Variants in SLC35F3 observed in about 807,000 individuals in gnomAD.
SLC35F3 encodes the protein solute carrier family 35 member F3, also known as putative thiamine transporter SLC35F3.
A neutral mutation model predicts 49.9 loss-of-function variants in SLC35F3; 25 were observed. The ratio of observed to expected loss-of-function variants is 0.50; its 90% CI spans 0.37 to 0.70. The LOEUF is 0.70. Ranked by LOEUF, SLC35F3 falls within the 30% of genes least tolerant of loss-of-function variation. SLC35F3 has a pLI of 0.00. For missense variants in SLC35F3, 525 were observed against 639.8 expected, an observed-to-expected ratio of 0.82 and a Z score of 1.94; for synonymous variants, 275 against 265.4, an observed-to-expected ratio of 1.04 and a Z score of -0.35.
intron 2 of SLC35F3, among the ~76,000 whole-genome samples, chr1:234,024,650 C>T (rs1312952029): frequency 6.6e-6 from 1 of 152,084 alleles, no homozygotes; most frequent in Non-Finnish European, 1.5e-5. Context: ...TCCTCTGCCT[C>T]TTCTTATAAA....
At chr1:234,150,642 A>G (rs1276021776) in intron 2 of SLC35F3, among the ~76,000 whole-genome samples, 2 of 152,204 alleles carry the variant, frequency 1.3e-5, no homozygotes, top group Non-Finnish European at 2.9e-5. Flanking sequence ...AAGGTCAGAC[A>G]GGTATGGAGA....
intron 2 of SLC35F3, among the ~76,000 whole-genome samples, chr1:234,022,797 C>T (rs1463498): frequency 0.052 from 7,927 of 152,178 alleles, 660 homozygotes; most frequent in African/African-American, 0.18. Flanking sequence ...AGCCTTGCCA[C>T]GTTGGCTATT....
intron 3 of SLC35F3, among the ~76,000 whole-genome samples, chr1:234,265,343 T>C (rs894464711): frequency 2.3e-4 from 25 of 108,670 alleles, no homozygotes; most frequent in African/African-American, 9.0e-4. Flanking sequence ...TCTTTTTCTT[T>C]TTGTTTTTTT....
intron 3 of SLC35F3, among the ~76,000 whole-genome samples, chr1:234,254,226 TGG>T (rs386640489): frequency 4.4e-4 from 67 of 152,350 alleles, no homozygotes; most frequent in African/African-American, 1.5e-3. Flanking sequence ...CCCTATGCAC[TGG>T]CTTTCTATAT....
At chr1:234,211,507 C>A (rs1345121719) in intron 2 of SLC35F3, among the ~76,000 whole-genome samples, 2 of 152,218 alleles carry the variant, frequency 1.3e-5, no homozygotes, top group Non-Finnish European at 2.9e-5. Flanking sequence ...GAACCCCCCC[C>A]TTACATTGGT....
At chr1:234,280,827 G>C (rs552243390) in intron 3 of SLC35F3, among the ~76,000 whole-genome samples, 1 of 152,168 alleles carries the variant, frequency 6.6e-6, no homozygotes, top group African/African-American at 2.4e-5. Context: ...TGAACAACTT[G>C]TCATTTGTCA....
chr1:233,948,595 G>T (rs1662554984), intron 2 of SLC35F3, among the ~76,000 whole-genome samples: 1 of 150,454 alleles, frequency 6.6e-6, no homozygotes, highest in Non-Finnish European at 1.5e-5. Context: ...AAGTTTTAGG[G>T]TACATGTGCA....
At chr1:234,008,053 AG>A (rs2102836018) in intron 2 of SLC35F3, among the ~76,000 whole-genome samples, 1 of 152,372 alleles carries the variant, frequency 6.6e-6, no homozygotes, top group South Asian at 2.1e-4. Context: ...CTAGAGTCCT[AG>A]GAACGGATTC....
At chr1:233,990,963 G>A (rs1158098024) in intron 2 of SLC35F3, among the ~76,000 whole-genome samples, 2 of 152,154 alleles carry the variant, frequency 1.3e-5, no homozygotes, top group South Asian at 2.1e-4. Context: ...GTAATAGAAG[G>A]GAACATCTGT....
intron 2 of SLC35F3, among the ~76,000 whole-genome samples, chr1:234,182,537 A>C (rs1666574468): frequency 6.6e-6 from 1 of 152,218 alleles, no homozygotes; most frequent in Non-Finnish European, 1.5e-5. Context: ...CATGTAATAC[A>C]TATCCTGTGC....
rs756847770 is a variant in SLC35F3, at chr1:233,957,203, G to A, written c.283+51445G>A. 1.3e-5 allele frequency among the ~76,000 whole-genome samples: 2 copies of A among 152,220 alleles called. No homozygotes were observed. Among genetic ancestry groups the A allele is most frequent in the Non-Finnish European group, 2.9e-5 (2 of 68,042 alleles). On this transcript the variant is annotated intron_variant, in intron 2 of 7. Coordinates refer to ENST00000366618, the MANE Select transcript of SLC35F3 (RefSeq NM_173508.4). The surrounding 1 kb of genome is among the most constrained non-coding windows in gnomAD (Gnocchi z 4.0). ...CACAGTCTAGTTTCCAGAGTGGGAG[G>A]AGATTGTTTTATGTCAGATATGAAA...
intron 3 of SLC35F3, among the ~76,000 whole-genome samples, chr1:234,241,816 G>T (rs760105921): frequency 1.3e-5 from 2 of 151,804 alleles, no homozygotes; most frequent in African/African-American, 4.8e-5. Flanking sequence ...AAATCAGCTC[G>T]CCTGGAACAT....
At chr1:234,148,631 G>A (rs1666029879) in intron 2 of SLC35F3, among the ~76,000 whole-genome samples, 1 of 152,170 alleles carries the variant, frequency 6.6e-6, no homozygotes, top group Non-Finnish European at 1.5e-5. Flanking sequence ...TTAGAAAAGA[G>A]ACATCACTCG....
intron 2 of SLC35F3, among the ~76,000 whole-genome samples, chr1:233,930,546 C>G (rs1035998107): frequency 2.0e-5 from 3 of 152,160 alleles, no homozygotes; most frequent in Non-Finnish European, 4.4e-5. Context: ...CTTATCTCAA[C>G]AGGTGACCCT....
At chr1:234,119,103 C>A (rs1018564331) in intron 2 of SLC35F3, among the ~76,000 whole-genome samples, 2 of 152,080 alleles carry the variant, frequency 1.3e-5, no homozygotes, top group Admixed American at 6.5e-5. Flanking sequence ...ATCAGCACAT[C>A]CCATGACTGA....
At chr1:234,101,336 T>C (rs567049059) in intron 2 of SLC35F3, among the ~76,000 whole-genome samples, 75 of 152,246 alleles carry the variant, frequency 4.9e-4, no homozygotes, top group Non-Finnish European at 8.8e-4. Context: ...GGTTGACTAT[T>C]TATAAAAGAA....
chr1:234,181,626 T>C (rs1046991790), intron 2 of SLC35F3, among the ~76,000 whole-genome samples: 4 of 152,180 alleles, frequency 2.6e-5, no homozygotes, highest in Non-Finnish European at 4.4e-5. Context: ...AGAGAGCAGT[T>C]TGTCTTGAGA....
rs1201323706 is a variant in SLC35F3, at chr1:234,108,752, G to GAT, written c.284-122657_284-122656dup. 2.0e-3 allele frequency among the ~76,000 whole-genome samples: 173 copies of GAT among 86,692 alleles called. 1 individual carries two copies. Among genetic ancestry groups the GAT allele is most frequent in the Non-Finnish European group, 3.0e-3 (137 of 45,676 alleles). The allele number at this position is 86,692 out of a possible 152,430, so 56.9% of individuals were successfully genotyped here. On this transcript the variant is annotated intron_variant, in intron 2 of 7. Transcript: ENST00000366618. ...ATATATATATCTTTTATATATAAAA[G>GAT]ATATATATAAATATATATATCTTTT... is the stretch of plus-strand genomic sequence containing the variant.
intron 2 of SLC35F3, among the ~76,000 whole-genome samples, chr1:234,136,068 A>G (rs936334300): frequency 1.3e-5 from 2 of 152,238 alleles, no homozygotes; most frequent in African/African-American, 4.8e-5. Context: ...AATATGAAAC[A>G]GAATCTCTGG....
Sources: allele counts gnomAD v4.1 joint callset (sites outside exome capture counted in the v4.1 genomes callset), GRCh38; gene constraint gnomAD v4.1.1; non-coding constraint Gnocchi (gnomAD v3.1); transcripts MANE v1.5; gene names NCBI Gene and HGNC (gene_info 2026-07-23, HGNC 2026-07-21).